Variants in GABARAP observed in about 807,000 individuals in gnomAD.
GABARAP encodes GABA type A receptor-associated protein.
Under a neutral mutation model 16.7 loss-of-function variants are expected in GABARAP, and 5 were observed. The ratio of observed to expected loss-of-function variants is 0.30; its 90% CI spans 0.16 to 0.63. The LOEUF (loss-of-function observed/expected upper bound fraction) is 0.63, where lower values mean the gene tolerates loss of function less well. Ranked by LOEUF, GABARAP falls within the 20% of genes least tolerant of loss-of-function variation. GABARAP has a pLI of 0.82. For synonymous variants in GABARAP, 45 were observed against 52.7 expected (o/e 0.85, Z 0.64); for missense variants, 84 against 146.6 (o/e 0.57, Z 2.21).
rs1353936700 is a variant in GABARAP at position 7,240,751 on chromosome 17, T to C, written c.*103A>G. The stretch of plus-strand genomic sequence containing the variant: ...AACATTAAGAAGTGCCGGTCCTGAA[T>C]AAGGGAGGTGGTGTTTGAGCTTGAA... On this transcript the variant is annotated 3_prime_UTR_variant, in exon 4 of 4. Transcript: ENST00000302386. 2.6e-6 allele frequency: 2 copies of C among 772,466 alleles called. No homozygotes were observed. Among genetic ancestry groups the C allele is most frequent in the Admixed American group, 2.0e-5 (1 of 50,810 alleles). 47.9% of individuals were successfully genotyped at this position (772,466 alleles called of 1,614,324 possible). A position where few individuals can be genotyped will look rare whatever the true frequency, so the allele number is the denominator to read the frequency against.
intron 3 of GABARAP, 44 bp downstream of exon 3, chr17:7,241,298 C>T (rs1332015734): frequency 1.1e-6 from 1 of 944,032 alleles, no homozygotes; most frequent in African/African-American, 1.6e-5. Context: ...CACGCTCTTC[C>T]AAGATTCCTC....
In GABARAP at chr17:7,240,151, A is replaced by T. The variant is rs1456745289; in HGVS notation, c.*703T>A. On this transcript the variant is annotated 3_prime_UTR_variant, in exon 4 of 4. Coordinates refer to ENST00000302386, the MANE Select transcript of GABARAP (RefSeq NM_007278.2). ...CCACAGTAAAAAAAAATTTTTTTTTACATGAGCATTTTTAACATTTAGTTT... is the reference window on the plus strand; with the variant it reads ...CCACAGTAAAAAAAAATTTTTTTTTTCATGAGCATTTTTAACATTTAGTTT... 1 of 152,256 alleles carries T rather than the reference A, an allele frequency of 6.6e-6. No individual in the cohort carries two copies. Among genetic ancestry groups the T allele is most frequent in the African/African-American group, 2.4e-5 (1 of 41,466 alleles). 9.4% of individuals were successfully genotyped at this position (152,256 alleles called of 1,614,324 possible). A position where few individuals can be genotyped will look rare whatever the true frequency, so the allele number is the denominator to read the frequency against.
chr17:7,242,006 A>C, intron 1 of GABARAP: 1 of 595,148 alleles, frequency 1.7e-6, no homozygotes, highest in South Asian at 2.0e-5. Context: ...AGGCTGTCAA[A>C]CTCTCTAAGG....
Position 7,242,256 on chromosome 17 carries a change from G to C in GABARAP, c.75C>G (p.Tyr25Ter). 6.2e-7 allele frequency: 1 copy of C among 1,613,276 alleles called. No individual in the cohort carries two copies. The highest frequency in any genetic ancestry group is 8.5e-7 in the Non-Finnish European group (1 of 1,179,422). Residue 25 changes from tyrosine to a stop codon, truncating the protein, a stop_gained, in exon 1 of 4, where the codon TAC becomes TAG. Coordinates refer to ENST00000302386, the MANE Select transcript of GABARAP (RefSeq NM_007278.2). LOFTEE classifies it high-confidence loss of function. ...RSEGEKIRKK[Y>*]PDRVPVIVEK... Reference sequence around the variant, plus strand: ...CTGTCCTCACCGGCACCCGGTCCGGGTATTTCTTTCGGATCTTCTCGCCCT... The same window carrying C: ...CTGTCCTCACCGGCACCCGGTCCGGCTATTTCTTTCGGATCTTCTCGCCCT...
At chr17:7,241,512 AAAGAACAGCTGCT>A (rs775641935) in intron 2 of GABARAP, 52 bp from the exon 3 acceptor site, 1 of 1,338,512 alleles carries the variant, frequency 7.5e-7, no homozygotes, top group South Asian at 1.2e-5. Context: ...AATGCCCTCA[AAAGAACAGCTGCT>A]AGGTGGAGCC....
Position 7,241,334 on chromosome 17 carries a change from C to A in GABARAP, c.288+8G>T. 1 of 1,268,650 alleles carries A rather than the reference C, an allele frequency of 7.9e-7. No homozygotes were observed. The highest frequency in any genetic ancestry group is 1.2e-5 in the South Asian group (1 of 84,078). The allele number at this position is 1,268,650 out of a possible 1,614,324, so 78.6% of individuals were successfully genotyped here. On this transcript the variant is annotated splice_region_variant and intron_variant, in intron 3 of 3. Coordinates refer to ENST00000302386, the MANE Select transcript of GABARAP (RefSeq NM_007278.2). ...TCCAAAGCCTCCACCACTTCCCAGTCACCATACCTGGTACAGCTGACCCAT... is the reference window on the plus strand; with the variant it reads ...TCCAAAGCCTCCACCACTTCCCAGTAACCATACCTGGTACAGCTGACCCAT...
At chr17:7,241,830 G>A in intron 1 of GABARAP, 151 bp from the exon 2 acceptor site, 1 of 643,754 alleles carries the variant, frequency 1.6e-6, no homozygotes, top group East Asian at 2.7e-5. Context: ...GAGTCCCAGA[G>A]ATCCTGACCT....
intron 1 of GABARAP, 180 bp downstream of exon 1, chr17:7,242,061 C>A: frequency 1.6e-6 from 1 of 611,198 alleles, no homozygotes. Context: ...TCCCTCTCAA[C>A]CCCACATCCA....
intron 1 of GABARAP, chr17:7,242,031 G>A: frequency 5.0e-6 from 3 of 600,426 alleles, no homozygotes; most frequent in Non-Finnish European, 8.9e-6. Flanking sequence ...AAATGCTAAG[G>A]TTTCTCTCTC....
chr17:7,241,765 C>T (rs1465720419), intron 1 of GABARAP, 86 bp from the exon 2 acceptor site: 1 of 849,108 alleles, frequency 1.2e-6, no homozygotes, highest in Non-Finnish European at 2.1e-6. Flanking sequence ...ATATTCCTAG[C>T]ACCTAAATCT....
intron 1 of GABARAP, 26 bp from the exon 2 acceptor site, chr17:7,241,705 A>G (rs913327505): frequency 2.8e-6 from 4 of 1,432,994 alleles, no homozygotes; most frequent in African/African-American, 1.4e-5. Flanking sequence ...AAATTAGGAG[A>G]CAGAAGGAAT....
chr17:7,241,933 T>A (rs2071782710), intron 1 of GABARAP: 2 of 595,444 alleles, frequency 3.4e-6, no homozygotes, highest in South Asian at 2.0e-5. Context: ...GTGACTTGTT[T>A]GGGTCGACTA....
rs2071770888 is a variant in GABARAP at position 7,240,935 on chromosome 17, A to G, written c.289-16T>C. 1 of 1,594,564 alleles carries G rather than the reference A, an allele frequency of 6.3e-7. No homozygotes were observed. On this transcript the variant is annotated splice_polypyrimidine_tract_variant and intron_variant, in intron 3 of 3. Coordinates refer to ENST00000302386, the MANE Select transcript of GABARAP (RefSeq NM_007278.2). Reference sequence around the variant, plus strand: ...CATGGTGTTCCTGGGATGAAAGCAGAAAACTGTTCAGCAACTGGGCTCCAG... The same window carrying G: ...CATGGTGTTCCTGGGATGAAAGCAGGAAACTGTTCAGCAACTGGGCTCCAG...
Position 7,242,409 on chromosome 17 carries a change from C to T in GABARAP, c.-79G>A, listed in dbSNP as rs949245000. 1.0e-5 allele frequency: 11 copies of T among 1,065,344 alleles called. No homozygotes were observed. In the African/African-American group the frequency reaches 1.4e-4, roughly 14 times the overall value. The allele number at this position is 1,065,344 out of a possible 1,614,324, so 66.0% of individuals were successfully genotyped here. A position where few individuals can be genotyped will look rare whatever the true frequency, so the allele number is the denominator to read the frequency against. ...GGACGGGGGGCGGCGACGACGGCGG[C>T]GACGCGCGGGCGGATTCAGCGGAGC... On this transcript the variant is annotated 5_prime_UTR_variant, in exon 1 of 4. Coordinates refer to ENST00000302386, the MANE Select transcript of GABARAP (RefSeq NM_007278.2).
intron 1 of GABARAP, 86 bp downstream of exon 1, chr17:7,242,155 T>C: frequency 1.0e-6 from 1 of 956,474 alleles, no homozygotes; most frequent in Non-Finnish European, 1.6e-6. Flanking sequence ...AGCAGCCTGA[T>C]CCCTGCGCTG....
intron 1 of GABARAP, chr17:7,241,981 G>A (rs2071783259): frequency 1.7e-6 from 1 of 596,026 alleles, no homozygotes; most frequent in Non-Finnish European, 3.0e-6. Flanking sequence ...CTGGGGGGAT[G>A]ACCATTTGAA....
At chr17:7,241,214 C>G (rs1296731162) in intron 3 of GABARAP, 128 bp downstream of exon 3, 2 of 720,730 alleles carry the variant, frequency 2.8e-6, no homozygotes, top group African/African-American at 1.7e-5. Flanking sequence ...CCCCAACCCA[C>G]GGCTATTATG....
At chr17:7,241,177 T>C (rs1386448328) in intron 3 of GABARAP, 165 bp downstream of exon 3, 1 of 685,564 alleles carries the variant, frequency 1.5e-6, no homozygotes, top group East Asian at 2.5e-5. Flanking sequence ...TCTTTCCTTC[T>C]CTCTACTCCT....
At position 7,241,422 on chromosome 17, in the gene GABARAP, G is replaced by A; in HGVS notation, c.208C>T (p.Leu70Phe). Residue 70 changes from leucine (L) to phenylalanine (F), a missense_variant, in exon 3 of 4, where the codon CTC (leucine) becomes TTC (phenylalanine). Transcript: ENST00000302386. ...FYFLIRKRIH[L>F]RAEDALFFFV... ...AAAAACAAGGCATCCTCAGCTCGGA[G>A]ATGAATTCGCTTCCGGATCAAGAAG... The A allele has an allele frequency of 6.2e-7, 1 of 1,602,364 alleles. No individual in the cohort carries two copies. Among genetic ancestry groups the A allele is most frequent in the Non-Finnish European group, 8.6e-7 (1 of 1,169,276 alleles).
Sources: allele counts gnomAD v4.1 joint callset, GRCh38; gene constraint gnomAD v4.1.1; transcripts MANE v1.5; gene names NCBI Gene and HGNC (gene_info 2026-07-23, HGNC 2026-07-21).